ZDHHC11: variants seen among roughly 807,000 people sequenced by gnomAD.
ZDHHC11 encodes palmitoyltransferase ZDHHC11.
ZDHHC11 carries 44 observed loss-of-function variants against 51.3 expected under a neutral mutation model. The observed-to-expected ratio is 0.86, with a 90% CI of 0.67 to 1.10. The LOEUF (loss-of-function observed/expected upper bound fraction) is 1.10, where lower values mean the gene tolerates loss of function less well. Ranked by LOEUF, ZDHHC11 falls within the 50% of genes least tolerant of loss-of-function variation. The pLI is 0.00. For missense variants in ZDHHC11, 400 were observed against 537.7 expected (o/e 0.74, Z 2.53); for synonymous variants, 163 against 222.0 (o/e 0.73, Z 2.36).
rs767133734 is a variant in ZDHHC11, at chr5:819,545, CTG to C, written c.1124_1125del (p.Pro375ArgfsTer11). Reference sequence around the variant, plus strand: ...CTTACCTGTGCCATCGAGCCCCCGTCTGGGTGTACACGAGTGGAGAACTGACA... The same window carrying C: ...CTTACCTGTGCCATCGAGCCCCCGTCGGTGTACACGAGTGGAGAACTGACA... ...RLCQFSTRVH[P>X]DGGSMAQEAD... On this transcript the variant is annotated frameshift_variant, in exon 10 of 13. Transcript: ENST00000283441. LOFTEE classifies it high-confidence loss of function. 83 of 1,609,810 alleles carry C rather than the reference CTG, an allele frequency of 5.2e-5. 1 individual carries two copies. In the Admixed American group the frequency reaches 1.4e-3, roughly 27 times the overall value.
At chr5:833,413 A>G (rs891553510) in intron 7 of ZDHHC11, among the ~76,000 whole-genome samples, 2 of 151,752 alleles carry the variant, frequency 1.3e-5, no homozygotes, top group African/African-American at 2.4e-5. Context: ...AGAGCTTACA[A>G]TGTCTATGAA....
chr5:840,950 C>G, intron 4 of ZDHHC11: 1 of 1,371,598 alleles, frequency 7.3e-7, no homozygotes, highest in Non-Finnish European at 9.4e-7. Context: ...GCGCCCACCC[C>G]TTGCTCACTA....
At chr5:843,972 A>ATCTGGAGCAGGGGCG (rs1745633679) in intron 3 of ZDHHC11, among the ~76,000 whole-genome samples, 2 of 68,512 alleles carry the variant, frequency 2.9e-5, no homozygotes, top group Admixed American at 1.7e-4. Flanking sequence ...GTGCAGAGGC[A>ATCTGGAGCAGGGGCG]GGGGCAGGGA....
At chr5:853,196 CAG>C (rs1386072249), upstream of ZDHHC11, among the ~76,000 whole-genome samples, 1 of 108,486 alleles carries the variant, frequency 9.2e-6, no homozygotes, top group Non-Finnish European at 1.9e-5. Context: ...AGCCAGGGGG[CAG>C]AGACTCCACA....
chr5:845,766 G>A (rs1347519910), intron 3 of ZDHHC11, among the ~76,000 whole-genome samples: 4 of 151,398 alleles, frequency 2.6e-5, no homozygotes, highest in African/African-American at 4.9e-5. Flanking sequence ...GGACAGAAGC[G>A]AGGTTGGCAC....
rs372024087 is a variant in ZDHHC11, at chr5:848,746, G to A, written c.223-86C>T. On this transcript the variant is annotated intron_variant, in intron 1 of 12. Coordinates refer to ENST00000283441, the MANE Select transcript of ZDHHC11 (RefSeq NM_024786.3). ...TGAGGCCCAAGGGCCCAGAAGAGGC[G>A]TGGCCGCTGGTCAGCCCTGCTCACC... 119 of 1,544,658 alleles carry A rather than the reference G, an allele frequency of 7.7e-5. No individual in the cohort carries two copies. In the African/African-American group the frequency reaches 8.7e-4, roughly 11 times the overall value.
At position 822,960 on chromosome 5, in the gene ZDHHC11, C is replaced by T. The variant is rs567018674; in HGVS notation, c.1024-1065G>A. 1.2e-4 allele frequency among the ~76,000 whole-genome samples: 18 copies of T among 150,072 alleles called. No homozygotes were observed. In the South Asian group the frequency reaches 3.6e-3, roughly 30 times the overall value. On this transcript the variant is annotated intron_variant, in intron 8 of 12. Transcript: ENST00000283441. ...TGGATATTGTTGCCTTGGTGAAGAACGTGTTCAATCTTTCACCCATTTAAA... is the reference window on the plus strand; with the variant it reads ...TGGATATTGTTGCCTTGGTGAAGAATGTGTTCAATCTTTCACCCATTTAAA...
intron 10 of ZDHHC11, among the ~76,000 whole-genome samples, chr5:818,764 G>C (rs1191682043): frequency 2.0e-5 from 3 of 151,572 alleles, no homozygotes; most frequent in African/African-American, 7.3e-5. Flanking sequence ...GGGAGGCTGA[G>C]GTGGGAAGAT....
chr5:858,900 G>A (rs553713765), exon 1 of ZDHHC11, among the ~76,000 whole-genome samples: 10 of 152,034 alleles, frequency 6.6e-5, no homozygotes, highest in Middle Eastern at 3.4e-3. Flanking sequence ...TCCTTCTCAC[G>A]CCTATCACAT....
intron 1 of ZDHHC11, 181 bp downstream of exon 1, chr5:850,200 C>G (rs1746946280): frequency 1.5e-6 from 1 of 683,366 alleles, no homozygotes; most frequent in Non-Finnish European, 2.5e-6. Flanking sequence ...TGACCCTAAG[C>G]AGGGGCTGCA....
At chr5:842,231 T>G in intron 4 of ZDHHC11, 1 of 985,770 alleles carries the variant, frequency 1.0e-6, no homozygotes, top group Non-Finnish European at 1.2e-6. Context: ...TCTCTCACTC[T>G]CCCCTGGCAT....
At chr5:810,422 C>T (rs1328942401) in intron 11 of ZDHHC11, among the ~76,000 whole-genome samples, 13 of 151,620 alleles carry the variant, frequency 8.6e-5, no homozygotes, top group African/African-American at 2.7e-4. Flanking sequence ...TATCCCCCAT[C>T]GGTTTGTCTA....
chr5:818,366 G>A (rs1178628614), intron 10 of ZDHHC11, among the ~76,000 whole-genome samples: 2 of 151,734 alleles, frequency 1.3e-5, no homozygotes, highest in Admixed American at 6.6e-5. Flanking sequence ...TATCTTTGCT[G>A]GAAGTGCAGG....
At chr5:814,088 T>C (rs1175682959) in intron 11 of ZDHHC11, among the ~76,000 whole-genome samples, 4 of 143,454 alleles carry the variant, frequency 2.8e-5, no homozygotes, top group Non-Finnish European at 4.5e-5. Context: ...ATGTTCATTT[T>C]ATGGAAAGAA....
chr5:824,197 GC>G, intron 8 of ZDHHC11: 1 of 403,438 alleles, frequency 2.5e-6, no homozygotes, highest in Non-Finnish European at 5.0e-6. Context: ...GGTGGCTCAC[GC>G]CTCTAATCCC....
intron 11 of ZDHHC11, among the ~76,000 whole-genome samples, chr5:811,559 G>C (rs1240942029): frequency 6.8e-6 from 1 of 147,750 alleles, no homozygotes; most frequent in African/African-American, 2.6e-5. Flanking sequence ...GTGAAGGACG[G>C]AGCTTCTGGG....
intron 4 of ZDHHC11, chr5:841,270 G>T (rs1487978001): frequency 9.9e-7 from 1 of 1,011,068 alleles, no homozygotes; most frequent in Non-Finnish European, 1.2e-6. Context: ...AAGTGCCAGG[G>T]CCCCAGCACC....
Position 850,800 on chromosome 5 carries a change from A to G in ZDHHC11, c.-198T>C, listed in dbSNP as rs531104147. On this transcript the variant is annotated 5_prime_UTR_variant, in exon 1 of 13. Transcript: ENST00000283441. Reference sequence around the variant, plus strand: ...CTGGAGTCGGTGCAGGGCCCCGCCCAGGGGAATGAACAGACATGCTGCAGA... The same window carrying G: ...CTGGAGTCGGTGCAGGGCCCCGCCCGGGGGAATGAACAGACATGCTGCAGA... 3 of 666,508 alleles carry G rather than the reference A, an allele frequency of 4.5e-6. No individual in the cohort carries two copies. In the African/African-American group the frequency reaches 5.5e-5, roughly 12 times the overall value. The allele number at this position is 666,508 out of a possible 1,614,324, so 41.3% of individuals were successfully genotyped here.
At chr5:806,030 C>T (rs1739203410) in intron 11 of ZDHHC11, among the ~76,000 whole-genome samples, 1 of 151,178 alleles carries the variant, frequency 6.6e-6, no homozygotes, top group African/African-American at 2.4e-5. Context: ...GTCAGGACAC[C>T]AGAGGTGTGG....
Sources: allele counts gnomAD v4.1 joint callset (sites outside exome capture counted in the v4.1 genomes callset), GRCh38; gene constraint gnomAD v4.1.1; transcripts MANE v1.5; gene names NCBI Gene and HGNC (gene_info 2026-07-23, HGNC 2026-07-21).